Variants in DSCAML1 observed in about 807,000 individuals in gnomAD.
DSCAML1 encodes the protein cell adhesion molecule DSCAML1.
In DSCAML1, 38 loss-of-function variants were observed where a neutral mutation model predicts 200.5. The observed-to-expected ratio is 0.19, with a 90% CI of 0.15 to 0.25. DSCAML1 has a LOEUF of 0.25. Among genes scored for constraint, DSCAML1 ranks in the 10% least tolerant of loss-of-function variants. DSCAML1 has a pLI of 1.00. For synonymous variants in DSCAML1, 1,215 were observed against 1,165.0 expected, an observed-to-expected ratio of 1.04 and a Z score of -0.87; for missense variants, 2,223 against 2,858.8, an observed-to-expected ratio of 0.78 and a Z score of 5.07.
chr11:117,440,565 GC>G (rs2048022881), intron 21 of DSCAML1, among the ~76,000 whole-genome samples: 1 of 152,178 alleles, frequency 6.6e-6, no homozygotes. Context: ...GGCTTTGTTG[GC>G]AGGGCCAGGA....
intron 3 of DSCAML1, among the ~76,000 whole-genome samples, chr11:117,687,051 C>T (rs949647751): frequency 6.6e-6 from 1 of 152,104 alleles, no homozygotes; most frequent in Non-Finnish European, 1.5e-5. Context: ...GCTGCAGACA[C>T]AGGGGTACCC....
Position 117,518,746 on chromosome 11 carries a change from G to A in DSCAML1, c.1230C>T (p.Ile410=), listed in dbSNP as rs767832366. Residue 410 remains isoleucine (I), a synonymous_variant, in exon 7 of 33, where the codon ATC becomes ATT. Transcript: ENST00000651296. This position sits in a 1 kb window ranked among gnomAD's most constrained non-coding sequence, Gnocchi z 6.3. ...CCACCTTCTCGCTGAAGGACGAGAC[G>A]ATGCGGGGCGTGCCATCTGCAGGGA... ...IIALEDGTPR[I]VSSFSEKVVN... The A allele has an allele frequency of 3.1e-6, 5 of 1,611,800 alleles. No homozygotes were observed. The East Asian group carries it at 6.7e-5, about 22-fold the overall frequency.
chr11:117,678,859 G>A (rs1278489688), intron 3 of DSCAML1, among the ~76,000 whole-genome samples: 3 of 152,270 alleles, frequency 2.0e-5, no homozygotes, highest in African/African-American at 7.2e-5. Context: ...TACTCGGAAT[G>A]GGGCAACAGC....
intron 24 of DSCAML1, among the ~76,000 whole-genome samples, chr11:117,438,394 T>A (rs1363389570): frequency 1.3e-5 from 2 of 152,060 alleles, no homozygotes. Context: ...AAACCAGAGT[T>A]GTGAGGCTCA....
chr11:117,780,141 AAGAGAGAGAG>A lies in DSCAML1; in HGVS notation c.364+342_364+351del, dbSNP rs763844992. 6.8e-6 allele frequency among the ~76,000 whole-genome samples: 1 copy of A among 147,338 alleles called. No individual in the cohort carries two copies. The highest frequency in any genetic ancestry group is 2.0e-4 in the East Asian group (1 of 5,092). ...GGCTCTGTCTCAAAAAGCAAAAAGAAAGAGAGAGAGAGAGAGAGAAAGAAAGAAAGAAAAA... is the reference window on the plus strand; with the variant it reads ...GGCTCTGTCTCAAAAAGCAAAAAGAAAGAGAGAGAAAGAAAGAAAGAAAAA... On this transcript the variant is annotated intron_variant, in intron 2 of 32. Coordinates refer to ENST00000651296, the MANE Select transcript of DSCAML1 (RefSeq NM_020693.4). The surrounding 1 kb of genome is among the most constrained non-coding windows in gnomAD (Gnocchi z 4.8).
At chr11:117,519,289 G>A (rs1464238184) in intron 6 of DSCAML1, among the ~76,000 whole-genome samples, 3 of 152,312 alleles carry the variant, frequency 2.0e-5, no homozygotes, top group Admixed American at 1.3e-4. Flanking sequence ...TCAGGAGGGG[G>A]TGGTGGCGCT....
chr11:117,807,882 C>T (rs1490576934), intron 1 of DSCAML1, among the ~76,000 whole-genome samples: 1 of 152,164 alleles, frequency 6.6e-6, no homozygotes, highest in East Asian at 1.9e-4. Context: ...AGTGCAAAGG[C>T]GTGGTCTCGG....
intron 3 of DSCAML1, among the ~76,000 whole-genome samples, chr11:117,623,903 CAT>C (rs2051991017): frequency 1.3e-5 from 2 of 152,180 alleles, no homozygotes; most frequent in Admixed American, 6.5e-5. Context: ...ATCTGAATAA[CAT>C]GTGTTAAGAC....
At chr11:117,798,344 G>T (rs1163118286), upstream of DSCAML1, among the ~76,000 whole-genome samples, 1 of 152,214 alleles carries the variant, frequency 6.6e-6, no homozygotes, top group Non-Finnish European at 1.5e-5. Flanking sequence ...TCCTCGAAAT[G>T]TGCGGCCTAA....
At chr11:117,560,392 A>G (rs1271129477) in intron 3 of DSCAML1, among the ~76,000 whole-genome samples, 1 of 152,174 alleles carries the variant, frequency 6.6e-6, no homozygotes, top group Non-Finnish European at 1.5e-5. Context: ...CTCTACTGTC[A>G]TATCCTCATT....
At position 117,483,400 on chromosome 11, in the gene DSCAML1, A is replaced by G. The variant is rs1592648573; in HGVS notation, c.2360-1238T>C. Among the ~76,000 whole-genome samples, 4 of 152,240 alleles carry G rather than the reference A, an allele frequency of 2.6e-5. No individual in the cohort carries two copies. In the East Asian group the frequency reaches 7.7e-4, roughly 29 times the overall value. On this transcript the variant is annotated intron_variant, in intron 11 of 32. Transcript: ENST00000651296. Reference sequence around the variant, plus strand: ...ACATTAACTTTGACTGAGGGGCATCAGGGAAAGCATAGTCCATCCATTCAG... The same window carrying G: ...ACATTAACTTTGACTGAGGGGCATCGGGGAAAGCATAGTCCATCCATTCAG...
chr11:117,808,062 C>T (rs2055724166), intron 1 of DSCAML1, among the ~76,000 whole-genome samples: 1 of 152,160 alleles, frequency 6.6e-6, no homozygotes, highest in African/African-American at 2.4e-5. Context: ...CCTCGTGATC[C>T]GCCCGCCTAG....
intron 3 of DSCAML1, among the ~76,000 whole-genome samples, chr11:117,536,053 G>A (rs1418185161): frequency 1.4e-5 from 2 of 148,056 alleles, no homozygotes; most frequent in South Asian, 2.2e-4. Flanking sequence ...TTGCAGTAAC[G>A]TTTTCAGACA....
intron 3 of DSCAML1, among the ~76,000 whole-genome samples, chr11:117,729,511 T>C (rs2054185363): frequency 6.6e-6 from 1 of 152,158 alleles, no homozygotes; most frequent in South Asian, 2.1e-4. Flanking sequence ...AGAAAATATT[T>C]GTAGAGCATA....
chr11:117,682,826 G>T (rs945305543), intron 3 of DSCAML1, among the ~76,000 whole-genome samples: 1 of 152,218 alleles, frequency 6.6e-6, no homozygotes, highest in Non-Finnish European at 1.5e-5. Flanking sequence ...AGGGAGGAAG[G>T]AAGGGAGAGA....
intron 24 of DSCAML1, 59 bp downstream of exon 24, chr11:117,438,826 C>A (rs960946473): frequency 7.1e-7 from 1 of 1,406,856 alleles, no homozygotes; most frequent in Non-Finnish European, 9.4e-7. Context: ...AAGCCCCTTC[C>A]CTGCCCCGGG....
chr11:117,692,848 G>C (rs1163769698), intron 3 of DSCAML1, among the ~76,000 whole-genome samples: 1 of 152,186 alleles, frequency 6.6e-6, no homozygotes, highest in Non-Finnish European at 1.5e-5. Context: ...TTGTTCTACA[G>C]CTCCCAAGTT....
intron 3 of DSCAML1, among the ~76,000 whole-genome samples, chr11:117,540,861 G>T (rs2050256025): frequency 1.3e-5 from 2 of 151,962 alleles, no homozygotes; most frequent in Non-Finnish European, 2.9e-5. Flanking sequence ...AAAAAAAGTT[G>T]GAATGAGTGT....
chr11:117,637,470 C>T (rs1283944981), intron 3 of DSCAML1, among the ~76,000 whole-genome samples: 12 of 151,930 alleles, frequency 7.9e-5, no homozygotes, highest in Non-Finnish European at 1.6e-4. Context: ...CTCAGCCTCC[C>T]GAGTAGCTGG....
Sources: allele counts gnomAD v4.1 joint callset (sites outside exome capture counted in the v4.1 genomes callset), GRCh38; gene constraint gnomAD v4.1.1; non-coding constraint Gnocchi (gnomAD v3.1); transcripts MANE v1.5; gene names NCBI Gene and HGNC (gene_info 2026-07-23, HGNC 2026-07-21).